RBFOX1: variants seen among roughly 807,000 people sequenced by gnomAD.
RBFOX1 encodes the protein RNA binding fox-1 homolog 1.
RBFOX1 carries 8 observed loss-of-function variants against 57.7 expected under a neutral mutation model. The ratio of observed to expected loss-of-function variants is 0.14; its 90% CI spans 0.08 to 0.25. RBFOX1 has a LOEUF of 0.25. Among genes scored for constraint, RBFOX1 ranks in the 10% least tolerant of loss-of-function variants. The pLI is 1.00. For synonymous variants in RBFOX1, 326 were observed against 222.4 expected (o/e 1.47, Z -4.15); for missense variants, 611 against 548.5 (o/e 1.11, Z -1.14).
chr16:7,352,646 T>C (rs911215448), intron 4 of RBFOX1, among the ~76,000 whole-genome samples: 1 of 152,134 alleles, frequency 6.6e-6, no homozygotes, highest in African/African-American at 2.4e-5. Context: ...AGAATCCTGG[T>C]GCAGGGATTC....
intron 3 of RBFOX1, among the ~76,000 whole-genome samples, chr16:6,990,089 A>T (rs1388131015): frequency 6.6e-6 from 1 of 152,212 alleles, no homozygotes; most frequent in Admixed American, 6.5e-5. Context: ...GAGGTCAGAT[A>T]CTGCTTGTTT....
chr16:7,002,512 G>T (rs1209620082), intron 3 of RBFOX1, among the ~76,000 whole-genome samples: 1 of 152,160 alleles, frequency 6.6e-6, no homozygotes, highest in East Asian at 1.9e-4. Context: ...AGGAGTTGGA[G>T]ACCAGCCTGG....
intron 4 of RBFOX1, among the ~76,000 whole-genome samples, chr16:5,971,009 C>G (rs1271607148): frequency 6.6e-6 from 1 of 152,228 alleles, no homozygotes; most frequent in East Asian, 1.9e-4. Flanking sequence ...TCTATCCTGT[C>G]TTGCTATGTG....
chr16:7,293,172 A>G (rs569309479), intron 4 of RBFOX1, among the ~76,000 whole-genome samples: 19 of 152,334 alleles, frequency 1.2e-4, no homozygotes, highest in African/African-American at 4.6e-4. Flanking sequence ...ATATTCAGAA[A>G]GAAATTGTGT....
At chr16:7,468,830 G>T (rs1410617492) in intron 4 of RBFOX1, among the ~76,000 whole-genome samples, 1 of 152,136 alleles carries the variant, frequency 6.6e-6, no homozygotes, top group Non-Finnish European at 1.5e-5. Flanking sequence ...GCCACTGATG[G>T]CTGACCAAGA....
chr16:5,488,887 G>A (rs2042733972), intron 2 of RBFOX1, among the ~76,000 whole-genome samples: 1 of 152,134 alleles, frequency 6.6e-6, no homozygotes, highest in Non-Finnish European at 1.5e-5. Flanking sequence ...GATGATGATG[G>A]AATATGATGG....
chr16:6,715,632 C>T (rs372750230), intron 3 of RBFOX1, among the ~76,000 whole-genome samples: 5 of 152,128 alleles, frequency 3.3e-5, no homozygotes, highest in African/African-American at 1.2e-4. Context: ...TTTCTGGCCT[C>T]ATCTCCTATC....
chr16:6,190,516 A>G (rs1393475849), intron 1 of RBFOX1, among the ~76,000 whole-genome samples: 5 of 152,212 alleles, frequency 3.3e-5, no homozygotes, highest in African/African-American at 9.6e-5. Flanking sequence ...TAATAAAAGG[A>G]CTTACTCCAT....
At chr16:7,605,199 T>A (rs1168652700) in intron 9 of RBFOX1, among the ~76,000 whole-genome samples, 1 of 152,182 alleles carries the variant, frequency 6.6e-6, no homozygotes, top group East Asian at 1.9e-4. Context: ...TTTCAGTTGA[T>A]CAAATTGAAG....
intron 2 of RBFOX1, chr16:6,483,345 C>T (rs898856746): frequency 1.2e-5 from 18 of 1,481,918 alleles, no homozygotes; most frequent in Non-Finnish European, 1.6e-5. Context: ...GGCGGTCGTG[C>T]CAGGCAGCCC....
chr16:5,483,593 G>A (rs1185981297), intron 2 of RBFOX1, among the ~76,000 whole-genome samples: 2 of 152,180 alleles, frequency 1.3e-5, no homozygotes, highest in Non-Finnish European at 2.9e-5. Context: ...TGTGAAATAC[G>A]GTGAACTTGC....
intron 2 of RBFOX1, among the ~76,000 whole-genome samples, chr16:6,349,294 C>A (rs1315579848): frequency 6.6e-6 from 1 of 152,258 alleles, no homozygotes; most frequent in East Asian, 1.9e-4. Flanking sequence ...ATTCACTCAG[C>A]TGATAAGGAG....
intron 3 of RBFOX1, among the ~76,000 whole-genome samples, chr16:6,781,597 T>C (rs1476910213): frequency 1.3e-5 from 2 of 152,172 alleles, no homozygotes; most frequent in East Asian, 1.9e-4. Flanking sequence ...ACTTCTTTTA[T>C]AGCATTACTT....
At chr16:6,515,886 G>A (rs1288775292) in intron 2 of RBFOX1, among the ~76,000 whole-genome samples, 1 of 152,084 alleles carries the variant, frequency 6.6e-6, no homozygotes, top group Non-Finnish European at 1.5e-5. Context: ...TCAAATGTCA[G>A]CTTTGCATAA....
At chr16:7,111,496 T>C (rs2064764368) in intron 4 of RBFOX1, among the ~76,000 whole-genome samples, 1 of 152,212 alleles carries the variant, frequency 6.6e-6, no homozygotes, top group African/African-American at 2.4e-5. Context: ...CAGTGTGGAA[T>C]ACAGTTCTGC....
chr16:7,503,809 C>T (rs1032713312), intron 4 of RBFOX1, among the ~76,000 whole-genome samples: 3 of 152,148 alleles, frequency 2.0e-5, no homozygotes, highest in African/African-American at 7.2e-5. Context: ...TTCTGCTTGT[C>T]CATATGCCCT....
intron 3 of RBFOX1, among the ~76,000 whole-genome samples, chr16:5,791,288 G>C (rs2054686442): frequency 6.6e-6 from 1 of 152,256 alleles, no homozygotes; most frequent in Non-Finnish European, 1.5e-5. Flanking sequence ...AAAAAATGTA[G>C]CTCTAACTGA....
chr16:6,587,803 C>CA (rs2097651248), intron 2 of RBFOX1, among the ~76,000 whole-genome samples: 1 of 152,164 alleles, frequency 6.6e-6, no homozygotes, highest in Non-Finnish European at 1.5e-5. Context: ...TGTAGTTTCA[C>CA]CAATGATTAA....
At chr16:5,283,946 G>T (rs1038567627) in intron 1 of RBFOX1, among the ~76,000 whole-genome samples, 1 of 152,088 alleles carries the variant, frequency 6.6e-6, no homozygotes, top group Admixed American at 6.5e-5. Context: ...GATATGGTTT[G>T]GCTGTGTCCC....
Sources: gnomAD v4.1 joint callset for allele counts (sites outside exome capture counted in the v4.1 genomes callset) on GRCh38, gnomAD v4.1.1 for gene constraint, MANE v1.5 for transcripts, NCBI Gene and HGNC (gene_info 2026-07-23, HGNC 2026-07-21) for gene names.